SVIL: variants seen among roughly 807,000 people sequenced by gnomAD.
SVIL encodes the protein supervillin, also known as archvillin.
Under a neutral mutation model 240.4 loss-of-function variants are expected in SVIL, and 101 were observed. The observed-to-expected ratio is 0.42, with a 90% CI of 0.36 to 0.50. The LOEUF (loss-of-function observed/expected upper bound fraction) is 0.50. Among genes scored for constraint, SVIL ranks in the 20% least tolerant of loss-of-function variants. The probability of loss-of-function intolerance (pLI) is 0.01; values close to 1 mark genes in which losing one functional copy is unlikely to be tolerated. For missense variants in SVIL, 2,512 were observed against 2,818.7 expected, an observed-to-expected ratio of 0.89 and a Z score of 2.46; for synonymous variants, 999 against 1,100.0, an observed-to-expected ratio of 0.91 and a Z score of 1.82.
intron 30 of SVIL, among the ~76,000 whole-genome samples, chr10:29,473,261 C>T (rs1178132979): frequency 1.3e-5 from 2 of 152,166 alleles, no homozygotes; most frequent in Non-Finnish European, 2.9e-5. Context: ...TTCCAGAAAA[C>T]CACTCAGGCT....
chr10:29,528,157 G>A (rs1242864568), intron 12 of SVIL, among the ~76,000 whole-genome samples: 2 of 152,106 alleles, frequency 1.3e-5, no homozygotes, highest in African/African-American at 4.8e-5. Flanking sequence ...GTATCTGCCT[G>A]TTATTTTACA....
At chr10:29,665,566 C>T (rs984860247) in intron 2 of SVIL, among the ~76,000 whole-genome samples, 9 of 152,090 alleles carry the variant, frequency 5.9e-5, no homozygotes, top group African/African-American at 2.2e-4. Flanking sequence ...GAGGCCGAGG[C>T]TGGTGGATCA....
chr10:29,736,092 A>C (rs922023396), upstream of SVIL, among the ~76,000 whole-genome samples: 52 of 151,962 alleles, frequency 3.4e-4, no homozygotes, highest in African/African-American at 1.1e-3. Context: ...ACCCCTTCCC[A>C]AAACAGGGGC....
intron 3 of SVIL, among the ~76,000 whole-genome samples, chr10:29,559,573 C>A (rs1187562595): frequency 6.6e-6 from 1 of 152,104 alleles, no homozygotes; most frequent in Non-Finnish European, 1.5e-5. Context: ...ATTATGTAAT[C>A]CAGATATAAA....
At position 29,504,721 on chromosome 10, in the gene SVIL, G is replaced by A. The variant is rs1373946365; in HGVS notation, c.3517-5458C>T. ...CCAAATGCTGGCAAGGATATGGAGC[G>A]ACAGGAACTCTCATTCAGTGCTGAT... On this transcript the variant is annotated intron_variant, in intron 17 of 37. Coordinates refer to ENST00000355867, the MANE Select transcript of SVIL (RefSeq NM_021738.3). Among the ~76,000 whole-genome samples the A allele has an allele frequency of 3.3e-5, 5 of 152,192 alleles. No homozygotes were observed. In the East Asian group the frequency reaches 5.8e-4, roughly 18 times the overall value.
rs56022643 is a variant in SVIL at position 29,463,556 on chromosome 10, G to A, written c.6213C>T (p.Ser2071=). 11,161 of 1,614,128 alleles carry A rather than the reference G, an allele frequency of 6.9e-3. 48 individuals are homozygous for A. The highest frequency in any genetic ancestry group is 7.8e-3 in the Non-Finnish European group (9,219 of 1,180,024). ...WWPIENKITG[S]ARIRWASDRK... is the part of the protein sequence containing the mutation. ...GGTCGGAGGCCCAGCGGATGCGGGC[G>A]GAACCAGTGATCTTGTTCTCGATGG... The change falls in exon 35 of 38, where the codon TCC becomes TCT. Residue 2071 remains serine, a synonymous_variant. Transcript: ENST00000355867.
intron 1 of SVIL, among the ~76,000 whole-genome samples, chr10:29,689,787 C>G (rs982630369): frequency 2.0e-5 from 3 of 152,178 alleles, no homozygotes; most frequent in African/African-American, 7.2e-5. Flanking sequence ...CAAAGTCAGC[C>G]TCTATCCCTA....
intron 1 of SVIL, among the ~76,000 whole-genome samples, chr10:29,582,430 G>A (rs781620247): frequency 1.1e-4 from 17 of 152,060 alleles, no homozygotes; most frequent in Non-Finnish European, 2.2e-4. Flanking sequence ...ACAATGATGT[G>A]ACGAATAAAC....
At position 29,533,185 on chromosome 10, in the gene SVIL, T is replaced by C. The variant is rs750399725; in HGVS notation, c.1182A>G (p.Val394=). Residue 394 remains valine, a synonymous_variant, in exon 8 of 38, where the codon GTA becomes GTG. Transcript: ENST00000355867. ...TPENASECSW[V]ASATQNVPKP... ...TGGGGACATTCTGGGTGGCTGATGC[T>C]ACCCAGCTACACTCAGATGCATTTT... 1 of 1,614,178 alleles carries C rather than the reference T, an allele frequency of 6.2e-7. No homozygotes were observed. The highest frequency in any genetic ancestry group is 1.1e-5 in the South Asian group (1 of 91,082).
chr10:29,530,501 G>T (rs1214690712), intron 11 of SVIL, 106 bp downstream of exon 11: 8 of 1,268,322 alleles, frequency 6.3e-6, no homozygotes, highest in Non-Finnish European at 9.1e-6. Context: ...GCCCAGGCTG[G>T]TCTCAAACTC....
chr10:29,602,337 G>C (rs780902989), intron 1 of SVIL: 14 of 527,862 alleles, frequency 2.7e-5, no homozygotes, highest in South Asian at 2.0e-4. Flanking sequence ...AGGGCACATG[G>C]TACACCTTCC....
At chr10:29,544,432 G>A (rs146428810) in intron 6 of SVIL, among the ~76,000 whole-genome samples, 16 of 152,150 alleles carry the variant, frequency 1.1e-4, no homozygotes, top group Non-Finnish European at 2.4e-4. Flanking sequence ...CTAGGGTTTG[G>A]GGAGATATAT....
intron 1 of SVIL, among the ~76,000 whole-genome samples, chr10:29,585,784 G>A (rs1052744540): frequency 4.6e-5 from 7 of 152,224 alleles, no homozygotes; most frequent in African/African-American, 1.4e-4. Flanking sequence ...GCCGGGGTCC[G>A]GAGCAGTCAG....
intron 1 of SVIL, among the ~76,000 whole-genome samples, chr10:29,570,710 G>A (rs1463715116): frequency 1.3e-5 from 2 of 152,168 alleles, no homozygotes; most frequent in Admixed American, 6.5e-5. Context: ...CATTCCAATT[G>A]CATTTGCAAT....
chr10:29,474,811 A>T (rs1333915232), intron 29 of SVIL, among the ~76,000 whole-genome samples: 1 of 152,174 alleles, frequency 6.6e-6, no homozygotes, highest in Non-Finnish European at 1.5e-5. Context: ...TGTTAAAACT[A>T]TTCTAGTAAA....
At chr10:29,674,913 C>G (rs1231611061) in intron 2 of SVIL, among the ~76,000 whole-genome samples, 4 of 152,236 alleles carry the variant, frequency 2.6e-5, no homozygotes, top group Non-Finnish European at 4.4e-5. Flanking sequence ...GACACTGACT[C>G]TCCTGACTTC....
intron 1 of SVIL, among the ~76,000 whole-genome samples, chr10:29,714,948 T>TAAAAAAA (rs61107910): frequency 3.8e-5 from 3 of 78,386 alleles, no homozygotes; most frequent in Admixed American, 1.5e-4. Context: ...TGTCTGAAAT[T>TAAAAAAA]AAAAAAAAAA....
intron 33 of SVIL, chr10:29,467,273 G>A (rs1945037151): frequency 6.4e-6 from 1 of 157,232 alleles, no homozygotes; most frequent in African/African-American, 2.4e-5. Flanking sequence ...AAGGGGATAA[G>A]AGGCCGGCTT....
chr10:29,484,813 C>G lies in SVIL; in HGVS notation c.4798G>C (p.Gly1600Arg). 1 of 1,610,398 alleles carries G rather than the reference C, an allele frequency of 6.2e-7. No individual in the cohort carries two copies. The highest frequency in any genetic ancestry group is 8.5e-7 in the Non-Finnish European group (1 of 1,178,458). Residue 1600 changes from glycine to arginine, a missense_variant, in exon 27 of 38, where the codon GGT becomes CGT. Physicochemically the swap from Gly to Arg is moderately radical, Grantham distance 125. This residue lies in a region of SVIL where 797 missense variants were observed against 925.3 expected (regional missense o/e 0.86). Coordinates refer to ENST00000355867, the MANE Select transcript of SVIL (RefSeq NM_021738.3). The surrounding 1 kb of genome is among the most constrained non-coding windows in gnomAD (Gnocchi z 4.7). ...QPKEVLVFDF[G>R]SEVYVWHGKE... ...CCATGCCATACGTAAACTTCACTACCAAAATCAAACACCAGTACCTGGGAG... is the reference window on the plus strand; with the variant it reads ...CCATGCCATACGTAAACTTCACTACGAAAATCAAACACCAGTACCTGGGAG...
Sources: allele counts gnomAD v4.1 joint callset (sites outside exome capture counted in the v4.1 genomes callset), GRCh38; gene constraint gnomAD v4.1.1; regional missense constraint gnomAD v4.1.1; non-coding constraint Gnocchi (gnomAD v3.1); transcripts MANE v1.5; gene names NCBI Gene and HGNC (gene_info 2026-07-23, HGNC 2026-07-21).